SNX9: variants seen among roughly 807,000 people sequenced by gnomAD.
SNX9 encodes the protein sorting nexin-9.
SNX9 carries 44 observed loss-of-function variants against 89.4 expected under a neutral mutation model. The ratio of observed to expected loss-of-function variants is 0.49; its 90% CI spans 0.39 to 0.63. The LOEUF (loss-of-function observed/expected upper bound fraction) is 0.63, where lower values mean the gene tolerates loss of function less well. Ranked by LOEUF, SNX9 falls within the 30% of genes least tolerant of loss-of-function variation. SNX9 has a pLI of 0.00. For synonymous variants in SNX9, 236 were observed against 247.8 expected (o/e 0.95, Z 0.45); for missense variants, 578 against 736.1 (o/e 0.79, Z 2.49).
chr6:157,862,824 T>C (rs1224240146), intron 1 of SNX9, among the ~76,000 whole-genome samples: 1 of 152,226 alleles, frequency 6.6e-6, no homozygotes, highest in African/African-American at 2.4e-5. Context: ...TAAATTAGAA[T>C]GTTTCCTTAA....
chr6:157,826,220 G>A (rs558940648), intron 1 of SNX9, among the ~76,000 whole-genome samples: 27 of 152,128 alleles, frequency 1.8e-4, no homozygotes, highest in African/African-American at 6.0e-4. Context: ...GTTAATCAGG[G>A]TCGGGCGCCG....
At chr6:157,884,417 C>G (rs779638763) in intron 4 of SNX9, among the ~76,000 whole-genome samples, 1 of 152,038 alleles carries the variant, frequency 6.6e-6, no homozygotes, top group South Asian at 2.1e-4. Flanking sequence ...TTTTGGTAGT[C>G]CATTTAAAAA....
intron 1 of SNX9, among the ~76,000 whole-genome samples, chr6:157,848,423 A>G (rs9356072): frequency 0.13 from 19,163 of 152,226 alleles, 1,956 homozygotes; most frequent in African/African-American, 0.28. Context: ...AGACATGAAA[A>G]GGATAAGCGT....
chr6:157,942,915 C>T lies in SNX9; in HGVS notation c.*77C>T. ...AATGCAATTCAAAACTTTTTTTCCC[C>T]TATTATTCAGAAAAAAAAGGAAACA... On this transcript the variant is annotated 3_prime_UTR_variant, in exon 18 of 18. Coordinates refer to ENST00000392185, the MANE Select transcript of SNX9 (RefSeq NM_016224.5). 1 of 1,437,710 alleles carries T rather than the reference C, an allele frequency of 7.0e-7. No individual in the cohort carries two copies. The highest frequency in any genetic ancestry group is 9.4e-7 in the Non-Finnish European group (1 of 1,062,564). 89.1% of individuals were successfully genotyped at this position (1,437,710 alleles called of 1,614,324 possible).
In SNX9 at chr6:157,933,987, G is replaced by A. The variant is rs529926126; in HGVS notation, c.1366+1715G>A. ...TTAAGGAAGCATTCAAGTTCCTGTT[G>A]ACTGGCTTTTCTCCCATTACAAAGG... On this transcript the variant is annotated intron_variant, in intron 13 of 17. Transcript: ENST00000392185. Among the ~76,000 whole-genome samples the A allele has an allele frequency of 9.1e-4, 139 of 152,304 alleles. 1 individual carries two copies. The highest frequency in any genetic ancestry group is 1.7e-3 in the Non-Finnish European group (114 of 68,018).
At chr6:157,925,449 C>T (rs1783672781) in intron 10 of SNX9, among the ~76,000 whole-genome samples, 1 of 151,996 alleles carries the variant, frequency 6.6e-6, no homozygotes, top group South Asian at 2.1e-4. Flanking sequence ...GTTGAACCCT[C>T]TCATATGACC....
chr6:157,893,238 C>T (rs1446995878), intron 4 of SNX9, among the ~76,000 whole-genome samples: 1 of 152,200 alleles, frequency 6.6e-6, no homozygotes, highest in Non-Finnish European at 1.5e-5. Flanking sequence ...CCACTGGGGT[C>T]ATCTGAGAGT....
At chr6:157,834,582 T>G (rs1162547907) in intron 1 of SNX9, among the ~76,000 whole-genome samples, 1 of 151,946 alleles carries the variant, frequency 6.6e-6, no homozygotes, top group Non-Finnish European at 1.5e-5. Flanking sequence ...CTCAAACTCC[T>G]AGGCTCAAAC....
chr6:157,942,226 T>C (rs988234846), intron 17 of SNX9, among the ~76,000 whole-genome samples: 2 of 152,244 alleles, frequency 1.3e-5, no homozygotes, highest in African/African-American at 2.4e-5. Flanking sequence ...CAGACATATA[T>C]TGAGTGTTTC....
intron 9 of SNX9, among the ~76,000 whole-genome samples, chr6:157,911,053 C>T (rs1326883735): frequency 2.0e-5 from 3 of 151,990 alleles, no homozygotes; most frequent in Non-Finnish European, 4.4e-5. Context: ...GCAGAGGTTG[C>T]GGTGAGCCGA....
At chr6:157,838,062 C>T (rs1382618447) in intron 1 of SNX9, among the ~76,000 whole-genome samples, 2 of 152,150 alleles carry the variant, frequency 1.3e-5, no homozygotes, top group South Asian at 2.1e-4. Context: ...ACCCTGTTGC[C>T]CAGGCTGGAG....
At chr6:157,920,542 C>G (rs1301973415) in intron 9 of SNX9, among the ~76,000 whole-genome samples, 1 of 152,188 alleles carries the variant, frequency 6.6e-6, no homozygotes, top group East Asian at 1.9e-4. Context: ...GGAGCAGCCT[C>G]CCACCACCAC....
intron 9 of SNX9, among the ~76,000 whole-genome samples, chr6:157,913,764 C>T (rs148270800): frequency 3.2e-4 from 48 of 152,284 alleles, no homozygotes; most frequent in African/African-American, 9.9e-4. Flanking sequence ...TATAGTCTTT[C>T]GAGTCTGACT....
intron 6 of SNX9, among the ~76,000 whole-genome samples, chr6:157,902,975 A>AT: frequency 6.6e-6 from 1 of 152,170 alleles, no homozygotes; most frequent in Non-Finnish European, 1.5e-5. Context: ...GCCAAAAAAA[A>AT]AAAGTTTTTA....
At chr6:157,836,718 G>T (rs765667549) in intron 1 of SNX9, among the ~76,000 whole-genome samples, 3 of 152,014 alleles carry the variant, frequency 2.0e-5, no homozygotes, top group Non-Finnish European at 4.4e-5. Context: ...AGCCTCCCAA[G>T]TAGCTGGGAC....
At chr6:157,930,316 C>T (rs1327940265) in intron 12 of SNX9, among the ~76,000 whole-genome samples, 1 of 152,130 alleles carries the variant, frequency 6.6e-6, no homozygotes. Context: ...ATGCTGTATC[C>T]TAAATATATA....
intron 4 of SNX9, among the ~76,000 whole-genome samples, chr6:157,893,446 A>G (rs933703763): frequency 6.6e-6 from 1 of 152,156 alleles, no homozygotes; most frequent in African/African-American, 2.4e-5. Flanking sequence ...TTTTTGATGC[A>G]CCTGGCACGT....
At chr6:157,938,328 G>A (rs958672767) in intron 15 of SNX9, among the ~76,000 whole-genome samples, 4 of 152,158 alleles carry the variant, frequency 2.6e-5, no homozygotes, top group Non-Finnish European at 4.4e-5. Context: ...TTTCCATTAC[G>A]TGCTACTCCT....
At chr6:157,913,934 G>C (rs1335430900) in intron 9 of SNX9, among the ~76,000 whole-genome samples, 1 of 150,850 alleles carries the variant, frequency 6.6e-6, no homozygotes, top group African/African-American at 2.4e-5. Context: ...TGGCAATTAT[G>C]AATAAAGCTG....
Sources: gnomAD v4.1 joint callset for allele counts (sites outside exome capture counted in the v4.1 genomes callset) on GRCh38, gnomAD v4.1.1 for gene constraint, MANE v1.5 for transcripts, NCBI Gene and HGNC (gene_info 2026-07-23, HGNC 2026-07-21) for gene names.